Variants in UTP23 observed in about 807,000 individuals in gnomAD.
UTP23 encodes rRNA-processing protein UTP23 homolog.
In UTP23, 10 loss-of-function variants were observed where a neutral mutation model predicts 19.8. The ratio of observed to expected loss-of-function variants is 0.50; its 90% confidence interval spans 0.31 to 0.86. UTP23 has a LOEUF of 0.86. Among genes scored for constraint, UTP23 ranks in the 40% least tolerant of loss-of-function variants. The pLI is 0.05. For synonymous variants in UTP23, 108 were observed against 105.4 expected, an observed-to-expected ratio of 1.02 and a Z score of -0.15; for missense variants, 282 against 293.1, an observed-to-expected ratio of 0.96 and a Z score of 0.28.
rs1815680364 is a variant in UTP23 at position 116,773,076 on chromosome 8, C to T, written c.*1234C>T. 8 of 985,318 alleles carry T rather than the reference C, an allele frequency of 8.1e-6. No individual in the cohort carries two copies. The highest frequency in any genetic ancestry group is 7.0e-5 in the African/African-American group (4 of 57,328). 61.0% of individuals were successfully genotyped at this position (985,318 alleles called of 1,614,324 possible). A position where few individuals can be genotyped will look rare whatever the true frequency, so the allele number is the denominator to read the frequency against. ...TCATTCTCATTTGAATTCAGAGATA[C>T]TTCTTTGCTGGAAGTTGGAATTATA... On this transcript the variant is annotated 3_prime_UTR_variant, in exon 3 of 3. Transcript: ENST00000309822.
rs1161813435 is a variant in UTP23 at position 116,773,227 on chromosome 8, C to A, written c.*1385C>A. 5.1e-6 allele frequency: 5 copies of A among 985,242 alleles called. No homozygotes were observed. Among genetic ancestry groups the A allele is most frequent in the Non-Finnish European group, 4.8e-6 (4 of 829,880 alleles). The allele number at this position is 985,242 out of a possible 1,614,324, so 61.0% of individuals were successfully genotyped here. On this transcript the variant is annotated 3_prime_UTR_variant, in exon 3 of 3. Coordinates refer to ENST00000309822, the MANE Select transcript of UTP23 (RefSeq NM_032334.3). ...ATTTTTAATAAGGAAGGTAAAAATA[C>A]TGGAAAAAAGTGAATAGTGTAGGTT...
At position 116,771,513 on chromosome 8, in the gene UTP23, A is replaced by G; in HGVS notation, c.421A>G (p.Ile141Val). The change falls in exon 3 of 3, where the codon ATT becomes GTT. Residue 141 changes from isoleucine to valine, a missense_variant. Coordinates refer to ENST00000309822, the MANE Select transcript of UTP23 (RefSeq NM_032334.3). Reference protein sequence around the residue: ...KKPGVPLMFIIQNTMVLDKPS... With the variant: ...KKPGVPLMFIVQNTMVLDKPS... Reference sequence around the variant, plus strand: ...GCCTGGAGTTCCTCTCATGTTTATTATTCAGAACACTATGGTTTTGGACAA... The same window carrying G: ...GCCTGGAGTTCCTCTCATGTTTATTGTTCAGAACACTATGGTTTTGGACAA... 1 of 1,592,460 alleles carries G rather than the reference A, an allele frequency of 6.3e-7. No homozygotes were observed. Among genetic ancestry groups the G allele is most frequent in the Non-Finnish European group, 8.5e-7 (1 of 1,174,146 alleles).
chr8:116,770,598 C>G, intron 2 of UTP23: 2 of 392,012 alleles, frequency 5.1e-6, no homozygotes, highest in Admixed American at 4.1e-5. Flanking sequence ...TTTAATGATT[C>G]CTTTGTTTTG....
In UTP23 at chr8:116,774,071, A is replaced by C; in HGVS notation, c.*2229A>C. On this transcript the variant is annotated 3_prime_UTR_variant, in exon 3 of 3. Transcript: ENST00000309822. ...CCATTCTGTGGTTTGGAAAAAGAAA[A>C]TGTTAACCTCTGCTTTAGAGGGTAG... The C allele has an allele frequency of 1.0e-6, 1 of 985,356 alleles. No homozygotes were observed. The highest frequency in any genetic ancestry group is 1.7e-5 in the African/African-American group (1 of 57,350). The allele number at this position is 985,356 out of a possible 1,614,324, so 61.0% of individuals were successfully genotyped here. A position where few individuals can be genotyped will look rare whatever the true frequency, so the allele number is the denominator to read the frequency against.
At chr8:116,769,029 A>T (rs192091420) in intron 1 of UTP23, among the ~76,000 whole-genome samples, 1 of 152,306 alleles carries the variant, frequency 6.6e-6, no homozygotes, top group East Asian at 1.9e-4. Context: ...TTAAGAAATC[A>T]GGTCATTCGT....
At position 116,772,637 on chromosome 8, in the gene UTP23, C is replaced by G. The variant is rs1815673954; in HGVS notation, c.*795C>G. ...GTTTGTTTGTTTGAGTTCTACTTGT[C>G]CAATAAGGATGATGATTTTCTTTTA... is the stretch of plus-strand genomic sequence containing the variant. On this transcript the variant is annotated 3_prime_UTR_variant, in exon 3 of 3. Coordinates refer to ENST00000309822, the MANE Select transcript of UTP23 (RefSeq NM_032334.3). 2 of 984,718 alleles carry G rather than the reference C, an allele frequency of 2.0e-6. No homozygotes were observed. The highest frequency in any genetic ancestry group is 3.5e-5 in the African/African-American group (2 of 57,260). 61.0% of individuals were successfully genotyped at this position (984,718 alleles called of 1,614,324 possible). A position where few individuals can be genotyped will look rare whatever the true frequency, so the allele number is the denominator to read the frequency against.
rs1815658639 is a variant in UTP23, at chr8:116,771,770, A to G, written c.678A>G (p.Arg226=). 2 of 1,606,228 alleles carry G rather than the reference A, an allele frequency of 1.2e-6. No individual in the cohort carries two copies. The highest frequency in any genetic ancestry group is 8.5e-7 in the Non-Finnish European group (1 of 1,178,354). ...DTQSSASEKK[R]KRKRIRNRSN... ...AATCATCTGCTTCTGAAAAGAAAAG[A>G]AAAAGAAAAAGAATTCGGAACAGAT... Residue 226 remains arginine, a synonymous_variant, in exon 3 of 3, where the codon AGA becomes AGG. Transcript: ENST00000309822.
At position 116,773,023 on chromosome 8, in the gene UTP23, A is replaced by G; in HGVS notation, c.*1181A>G. 2.0e-6 allele frequency: 2 copies of G among 984,032 alleles called. No individual in the cohort carries two copies. The highest frequency in any genetic ancestry group is 4.7e-5 in the South Asian group (1 of 21,226). 61.0% of individuals were successfully genotyped at this position (984,032 alleles called of 1,614,324 possible). A position where few individuals can be genotyped will look rare whatever the true frequency, so the allele number is the denominator to read the frequency against. On this transcript the variant is annotated 3_prime_UTR_variant, in exon 3 of 3. Transcript: ENST00000309822. The stretch of plus-strand genomic sequence containing the variant: ...TAAATTCTTAATGGTTAAATGTGAG[A>G]CAGTTCACATTTATTCCCATAGAAA...
chr8:116,770,906 A>G (rs1213968199), intron 2 of UTP23: 6 of 153,136 alleles, frequency 3.9e-5, no homozygotes, highest in Admixed American at 3.9e-4. Context: ...GTCATGGTTC[A>G]TACTGCTTAA....
At position 116,772,881 on chromosome 8, in the gene UTP23, A is replaced by G; in HGVS notation, c.*1039A>G. 1.0e-6 allele frequency: 1 copy of G among 985,448 alleles called. No homozygotes were observed. Among genetic ancestry groups the G allele is most frequent in the Non-Finnish European group, 1.2e-6 (1 of 829,938 alleles). 61.0% of individuals were successfully genotyped at this position (985,448 alleles called of 1,614,324 possible). ...AAATGTTTTTGTACTACAAGATGGA[A>G]GTATAAAATTATTGGACAAGTGAAA... On this transcript the variant is annotated 3_prime_UTR_variant, in exon 3 of 3. Coordinates refer to ENST00000309822, the MANE Select transcript of UTP23 (RefSeq NM_032334.3).
rs1815698971 is a variant in UTP23 at position 116,774,527 on chromosome 8, C to A, written c.*2685C>A. On this transcript the variant is annotated 3_prime_UTR_variant, in exon 3 of 3. Coordinates refer to ENST00000309822, the MANE Select transcript of UTP23 (RefSeq NM_032334.3). ...TTATTCCCAATTAGTTTTATATCTC[C>A]AAGATATATATATGTATATAGGTAT... 1.4e-6 allele frequency: 1 copy of A among 717,542 alleles called. No individual in the cohort carries two copies. The highest frequency in any genetic ancestry group is 1.7e-6 in the Non-Finnish European group (1 of 587,122). The allele number at this position is 717,542 out of a possible 1,614,324, so 44.4% of individuals were successfully genotyped here.
In UTP23 at chr8:116,772,592, A is replaced by T; in HGVS notation, c.*750A>T. 3.0e-6 allele frequency: 3 copies of T among 984,568 alleles called. No homozygotes were observed. In the South Asian group the frequency reaches 1.4e-4, roughly 46 times the overall value. The allele number at this position is 984,568 out of a possible 1,614,324, so 61.0% of individuals were successfully genotyped here. ...ACATCAGAAACTCAGTATTTTCATTATTATGACTAGAGTTTTTTTGTTTGT... is the reference window on the plus strand; with the variant it reads ...ACATCAGAAACTCAGTATTTTCATTTTTATGACTAGAGTTTTTTTGTTTGT... On this transcript the variant is annotated 3_prime_UTR_variant, in exon 3 of 3. Coordinates refer to ENST00000309822, the MANE Select transcript of UTP23 (RefSeq NM_032334.3).
intron 2 of UTP23, among the ~76,000 whole-genome samples, chr8:116,771,242 G>A (rs112682392): frequency 2.0e-5 from 3 of 152,116 alleles, no homozygotes; most frequent in East Asian, 1.9e-4. Flanking sequence ...CGATAAATCC[G>A]GTTCACACAG....
At chr8:116,767,095 T>C (rs1815593224) in intron 1 of UTP23, among the ~76,000 whole-genome samples, 1 of 152,234 alleles carries the variant, frequency 6.6e-6, no homozygotes. Flanking sequence ...TCAAGTTATT[T>C]AGCCTCTCTG....
intron 1 of UTP23, among the ~76,000 whole-genome samples, chr8:116,768,519 C>T (rs1348028564): frequency 1.3e-5 from 2 of 152,202 alleles, no homozygotes; most frequent in Non-Finnish European, 2.9e-5. Flanking sequence ...TTGAATCCCT[C>T]ACCTCTCCTT....
In UTP23 at chr8:116,773,696, G is replaced by A. The variant is rs866660860; in HGVS notation, c.*1854G>A. The A allele has an allele frequency of 7.1e-6, 2 of 279,838 alleles. No individual in the cohort carries two copies. Among genetic ancestry groups the A allele is most frequent in the African/African-American group, 2.3e-5 (1 of 43,722 alleles). The allele number at this position is 279,838 out of a possible 1,614,324, so 17.3% of individuals were successfully genotyped here. On this transcript the variant is annotated 3_prime_UTR_variant, in exon 3 of 3. Coordinates refer to ENST00000309822, the MANE Select transcript of UTP23 (RefSeq NM_032334.3). ...GTGGTGGTGTGCGCCTGTAGTCCCA[G>A]CTACTCGGGAGGCTGAGGCAGGAGA...
chr8:116,772,097 G>T lies in UTP23; in HGVS notation c.*255G>T, dbSNP rs1057399898. The T allele has an allele frequency of 2.7e-6, 3 of 1,096,840 alleles. No homozygotes were observed. The highest frequency in any genetic ancestry group is 3.3e-6 in the Non-Finnish European group (3 of 897,812). The allele number at this position is 1,096,840 out of a possible 1,614,324, so 67.9% of individuals were successfully genotyped here. On this transcript the variant is annotated 3_prime_UTR_variant, in exon 3 of 3. Coordinates refer to ENST00000309822, the MANE Select transcript of UTP23 (RefSeq NM_032334.3). ...CTCAGGAGGCTGAGGCATGAGAATC[G>T]CTTGAACCTGGGAGGCAGAGATTGC... is the stretch of plus-strand genomic sequence containing the variant.
chr8:116,767,752 G>T (rs980974006), intron 1 of UTP23, among the ~76,000 whole-genome samples: 10 of 152,108 alleles, frequency 6.6e-5, no homozygotes, highest in African/African-American at 2.4e-4. Context: ...TTGAGGCTAG[G>T]CCATGAAGAA....
rs549368462 is a variant in UTP23 at position 116,766,734 on chromosome 8, A to G, written c.131A>G (p.Gln44Arg). ...FCQAALRGRIQLREQLPRYLM... is the reference protein window; with the variant it reads ...FCQAALRGRIRLREQLPRYLM... Reference sequence around the variant, plus strand: ...CAGGCGGCGCTGCGGGGCCGCATCCAGCTGCGGGAGCAGCTGCCCCGCTAC... The same window carrying G: ...CAGGCGGCGCTGCGGGGCCGCATCCGGCTGCGGGAGCAGCTGCCCCGCTAC... Residue 44 changes from glutamine (Q) to arginine (R), a missense_variant, in exon 1 of 3, where the codon CAG (glutamine) becomes CGG (arginine). Transcript: ENST00000309822. 2.2e-5 allele frequency: 35 copies of G among 1,605,242 alleles called. No homozygotes were observed. The South Asian group carries it at 3.5e-4, about 16-fold the overall frequency.
Sources: gnomAD v4.1 joint callset for allele counts (sites outside exome capture counted in the v4.1 genomes callset) on GRCh38, gnomAD v4.1.1 for gene constraint, MANE v1.5 for transcripts, NCBI Gene and HGNC (gene_info 2026-07-23, HGNC 2026-07-21) for gene names.